LEUTX: variants seen among roughly 807,000 people sequenced by gnomAD.
LEUTX encodes the protein paired-like homeodomain transcription factor LEUTX.
LEUTX carries 5 observed loss-of-function variants against 4.5 expected under a neutral mutation model. That is an observed-to-expected ratio of 1.11 (90% CI 0.58 to 2.34). LEUTX has a LOEUF of 2.34. Among genes scored for constraint, LEUTX ranks in the 30% most tolerant of loss-of-function variants. LEUTX has a pLI of 0.01. For missense variants in LEUTX, 233 were observed against 239.4 expected, an observed-to-expected ratio of 0.97 and a Z score of 0.18; for synonymous variants, 89 against 85.1, an observed-to-expected ratio of 1.05 and a Z score of -0.25.
chr19:39,776,686 T>C (rs1273529750), upstream of LEUTX: 2 of 455,652 alleles, frequency 4.4e-6, no homozygotes, highest in African/African-American at 2.0e-5. Context: ...GTGAGGCGAT[T>C]TTTTTCTTTC....
chr19:39,785,976 A>G lies in LEUTX; in HGVS notation c.438A>G (p.Ile146Met). The G allele has an allele frequency of 6.4e-7, 1 of 1,551,752 alleles. No homozygotes were observed. The highest frequency in any genetic ancestry group is 1.4e-5 in the African/African-American group (1 of 73,176). Reference sequence around the variant, plus strand: ...CTCAGTCATATGACATTGAACAGATATGTCTGGGGGCTTCAAATCCTCCTT... The same window carrying G: ...CTCAGTCATATGACATTGAACAGATGTGTCTGGGGGCTTCAAATCCTCCTT... ...WDSQSYDIEQ[I>M]CLGASNPPWA... Residue 146 changes from isoleucine (I) to methionine (M), a missense_variant, in exon 3 of 3, where the codon ATA becomes ATG. Ile to Met is a conservative substitution (Grantham distance 10, BLOSUM62 1). Coordinates refer to ENST00000638280, the MANE Select transcript of LEUTX (RefSeq NM_001382345.1).
chr19:39,779,825 A>G (rs1322879350), intron 1 of LEUTX, among the ~76,000 whole-genome samples: 1 of 152,124 alleles, frequency 6.6e-6, no homozygotes, highest in Non-Finnish European at 1.5e-5. Context: ...ACCAGCCTGG[A>G]CAACATGGCA....
intron 1 of LEUTX, among the ~76,000 whole-genome samples, chr19:39,782,702 C>T (rs975754557): frequency 2.0e-5 from 3 of 152,106 alleles, no homozygotes; most frequent in Non-Finnish European, 2.9e-5. Context: ...AAAACATGTC[C>T]TGCTCAGTGG....
At chr19:39,779,605 G>A (rs942606559) in intron 1 of LEUTX, among the ~76,000 whole-genome samples, 5 of 151,882 alleles carry the variant, frequency 3.3e-5, no homozygotes, top group Non-Finnish European at 5.9e-5. Flanking sequence ...CTCCCAGCCT[G>A]GCTTGTGTTT....
At chr19:39,781,928 G>C (rs1424890035) in intron 1 of LEUTX, among the ~76,000 whole-genome samples, 2 of 152,150 alleles carry the variant, frequency 1.3e-5, no homozygotes, top group Non-Finnish European at 2.9e-5. Context: ...TATTGTTAAA[G>C]ATACGGAGGC....
upstream of LEUTX, among the ~76,000 whole-genome samples, chr19:39,776,869 T>C (rs76240848): frequency 8.3e-3 from 1,263 of 152,010 alleles, 21 homozygotes; most frequent in African/African-American, 0.028. Flanking sequence ...CGAGACCCCA[T>C]CTCAAAAAAA....
chr19:39,778,935 G>A lies in LEUTX; in HGVS notation c.7+8G>A, dbSNP rs1036848574. On this transcript the variant is annotated splice_region_variant and intron_variant, in intron 1 of 2. Coordinates refer to ENST00000638280, the MANE Select transcript of LEUTX (RefSeq NM_001382345.1). ...TAGAGGACACCATGTTTGGTAAGTT[G>A]GGCGAAGGCAAGAGGCTGGGGTTTC... 2.6e-5 allele frequency: 4 copies of A among 152,260 alleles called. No homozygotes were observed. Among genetic ancestry groups the A allele is most frequent in the African/African-American group, 9.7e-5 (4 of 41,404 alleles). 9.4% of individuals were successfully genotyped at this position (152,260 alleles called of 1,614,324 possible). A position where few individuals can be genotyped will look rare whatever the true frequency, so the allele number is the denominator to read the frequency against.
chr19:39,784,537 G>A lies in LEUTX; in HGVS notation c.18G>A (p.Arg6=), dbSNP rs1967935549. The change falls in exon 2 of 3, where the codon AGG becomes AGA. Residue 6 remains arginine (R), a synonymous_variant. Transcript: ENST00000638280. MFEGP[R]RYRRPRTRFL... Reference sequence around the variant, plus strand: ...CTGTTCCCTCTGCAGAAGGGCCAAGGCGTTATCGTCGGCCACGCACAAGAT... The same window carrying A: ...CTGTTCCCTCTGCAGAAGGGCCAAGACGTTATCGTCGGCCACGCACAAGAT... The A allele has an allele frequency of 9.4e-7, 1 of 1,061,256 alleles. No individual in the cohort carries two copies. Among genetic ancestry groups the A allele is most frequent in the Admixed American group, 2.0e-5 (1 of 50,404 alleles). 65.7% of individuals were successfully genotyped at this position (1,061,256 alleles called of 1,614,324 possible).
At chr19:39,784,777 T>G in intron 2 of LEUTX, 99 bp downstream of exon 2, 1 of 858,024 alleles carries the variant, frequency 1.2e-6, no homozygotes, top group Non-Finnish European at 1.9e-6. Flanking sequence ...TGGCAATTGC[T>G]ATGTGTAAGG....
chr19:39,782,607 C>T (rs73930643), intron 1 of LEUTX, among the ~76,000 whole-genome samples: 1,535 of 152,164 alleles, frequency 0.01, 30 homozygotes, highest in African/African-American at 0.035. Context: ...CATATTGGTG[C>T]CCAATGTCAT....
chr19:39,785,759 G>C lies in LEUTX; in HGVS notation c.221G>C (p.Arg74Pro). Residue 74 changes from arginine (R) to proline (P), a missense_variant, in exon 3 of 3, where the codon CGG becomes CCG. Transcript: ENST00000638280. ...KRQQRQQMQT[R>P]PSLGPANQTT... The stretch of plus-strand genomic sequence containing the variant: ...CAGCAGCGGCAGCAAATGCAGACAC[G>C]GCCATCACTAGGGCCAGCAAACCAG... 6.4e-7 allele frequency: 1 copy of C among 1,551,714 alleles called. No homozygotes were observed. The highest frequency in any genetic ancestry group is 8.7e-7 in the Non-Finnish European group (1 of 1,147,002).
intron 2 of LEUTX, 53 bp from the exon 3 acceptor site, chr19:39,785,645 T>C: frequency 7.3e-7 from 1 of 1,372,734 alleles, no homozygotes; most frequent in Non-Finnish European, 9.9e-7. Flanking sequence ...AACATGAGGA[T>C]GCCCCTTTAT....
chr19:39,781,108 CT>C (rs772949813), intron 1 of LEUTX, among the ~76,000 whole-genome samples: 3 of 152,002 alleles, frequency 2.0e-5, no homozygotes, highest in Non-Finnish European at 4.4e-5. Flanking sequence ...CTCTCTGTCT[CT>C]CCCTCTCTCC....
rs1291538053 is a variant in LEUTX at position 39,781,242 on chromosome 19, C to T, written c.7+2315C>T. On this transcript the variant is annotated intron_variant, in intron 1 of 2. Transcript: ENST00000638280. ...GAAACCCATGTGCCCGATCACTTGT[C>T]TTCACTGTGCGATAATTGGGCAGCA... 3.3e-5 allele frequency among the ~76,000 whole-genome samples: 5 copies of T among 152,274 alleles called. No homozygotes were observed. In the East Asian group the frequency reaches 7.7e-4, roughly 23 times the overall value.
chr19:39,784,216 C>T (rs896820196), intron 1 of LEUTX, among the ~76,000 whole-genome samples: 8 of 151,914 alleles, frequency 5.3e-5, no homozygotes, highest in African/African-American at 1.9e-4. Context: ...TCTCTGGTGC[C>T]TCCTTGATTA....
upstream of LEUTX, chr19:39,776,484 C>A (rs747905724): frequency 3.3e-5 from 13 of 390,828 alleles, no homozygotes; most frequent in Non-Finnish European, 6.1e-5. Flanking sequence ...GAAGTTCTGA[C>A]CTGGCCTGGG....
rs954349240 is a variant in LEUTX, at chr19:39,786,000, T to A, written c.462T>A (p.Pro154=). Residue 154 remains proline (P), a synonymous_variant, in exon 3 of 3, where the codon CCT becomes CCA. Coordinates refer to ENST00000638280, the MANE Select transcript of LEUTX (RefSeq NM_001382345.1). ...EQICLGASNP[P]WASTLFEIDE... ...TATGTCTGGGGGCTTCAAATCCTCC[T>A]TGGGCCTCCACTCTCTTTGAAATAG... The A allele has an allele frequency of 6.4e-7, 1 of 1,551,760 alleles. No homozygotes were observed. The highest frequency in any genetic ancestry group is 8.7e-7 in the Non-Finnish European group (1 of 1,147,010).
chr19:39,776,477 G>A (rs930666988), upstream of LEUTX: 1 of 383,670 alleles, frequency 2.6e-6, no homozygotes, highest in Admixed American at 3.4e-5. Flanking sequence ...CCACACAGAA[G>A]TTCTGACCTG....
At chr19:39,783,480 T>A (rs1967918389) in intron 1 of LEUTX, among the ~76,000 whole-genome samples, 1 of 151,556 alleles carries the variant, frequency 6.6e-6, no homozygotes, top group African/African-American at 2.4e-5. Flanking sequence ...GCAAGTATCT[T>A]TTTTGTATAA....
Sources: gnomAD v4.1 joint callset for allele counts (sites outside exome capture counted in the v4.1 genomes callset) on GRCh38, gnomAD v4.1.1 for gene constraint, MANE v1.5 for transcripts, NCBI Gene and HGNC (gene_info 2026-07-23, HGNC 2026-07-21) for gene names.